Variants in BRD1 observed in about 807,000 individuals in gnomAD.
BRD1 encodes the protein bromodomain-containing protein 1.
Under a neutral mutation model 107.7 loss-of-function variants are expected in BRD1, and 24 were observed. The ratio of observed to expected loss-of-function variants is 0.22; its 90% CI spans 0.16 to 0.31. The LOEUF is 0.31. Ranked by LOEUF, BRD1 falls within the 10% of genes least tolerant of loss-of-function variation. The pLI is 1.00. For synonymous variants in BRD1, 744 were observed against 686.1 expected, an observed-to-expected ratio of 1.08 and a Z score of -1.32; for missense variants, 1,279 against 1,638.6, an observed-to-expected ratio of 0.78 and a Z score of 3.79.
At position 49,827,791 on chromosome 22, in the gene BRD1, G is replaced by A. The variant is rs1429070908; in HGVS notation, c.-309C>T. The stretch of plus-strand genomic sequence containing the variant: ...GCGGGCGCGGGCGCGGGAGCGGGCG[G>A]CGGGCGGCGGGCGCGGGACGCGGGG... On this transcript the variant is annotated 5_prime_UTR_variant, in exon 1 of 13. Transcript: ENST00000404760. 6.9e-6 allele frequency among the ~76,000 whole-genome samples: 1 copy of A among 144,764 alleles called. No homozygotes were observed. The highest frequency in any genetic ancestry group is 2.0e-4 in the East Asian group (1 of 4,940). The allele number at this position is 144,764 out of a possible 152,430, so 95.0% of individuals were successfully genotyped here. A position where few individuals can be genotyped will look rare whatever the true frequency, so the allele number is the denominator to read the frequency against.
intron 6 of BRD1, among the ~76,000 whole-genome samples, chr22:49,796,516 C>G (rs1229787315): frequency 6.6e-6 from 1 of 151,972 alleles, no homozygotes; most frequent in Non-Finnish European, 1.5e-5. Flanking sequence ...GCCACCATGC[C>G]CGGCTAATTT....
At chr22:49,822,240 A>C (rs2060081297) in intron 2 of BRD1, among the ~76,000 whole-genome samples, 1 of 152,182 alleles carries the variant, frequency 6.6e-6, no homozygotes, top group South Asian at 2.1e-4. Context: ...ACCCTGGGCA[A>C]CATGGTGAAA....
chr22:49,815,161 G>C (rs1247227131), intron 2 of BRD1, among the ~76,000 whole-genome samples: 2 of 152,218 alleles, frequency 1.3e-5, no homozygotes, highest in Non-Finnish European at 2.9e-5. Flanking sequence ...AAGGTGCGGT[G>C]AGGCCAGTGA....
At chr22:49,814,714 A>G (rs559340946) in intron 2 of BRD1, among the ~76,000 whole-genome samples, 2 of 152,368 alleles carry the variant, frequency 1.3e-5, no homozygotes, top group African/African-American at 4.8e-5. Flanking sequence ...AGGTGCTCTC[A>G]GGAAAGCCAC....
At chr22:49,787,299 A>AGCCC in intron 8 of BRD1, 91 bp downstream of exon 8, 1 of 544,640 alleles carries the variant, frequency 1.8e-6, no homozygotes, top group East Asian at 6.1e-5. Flanking sequence ...GAAGCTGGAC[A>AGCCC]CCCCCCCCCC....
chr22:49,823,960 G>A lies in BRD1; in HGVS notation c.358C>T (p.Pro120Ser). 6.2e-7 allele frequency: 1 copy of A among 1,614,112 alleles called. No individual in the cohort carries two copies. The highest frequency in any genetic ancestry group is 8.5e-7 in the Non-Finnish European group (1 of 1,180,036). The change falls in exon 2 of 13, where the codon CCC becomes TCC. Residue 120 changes from proline to serine, a missense_variant. Around this residue, in one of 7 missense-constraint regions of BRD1, gnomAD observed 223 missense variants for 263.5 expected, o/e 0.85. Transcript: ENST00000404760. Reference protein sequence around the residue: ...TPASASALPEPKVRIVEYSPP... With the variant: ...TPASASALPESKVRIVEYSPP... ...CTGTACTCCACGATGCGCACCTTGG[G>A]CTCCGGGAGGGCACTGGCCGAGGCC...
chr22:49,825,825 A>C (rs1041140970), intron 1 of BRD1: 1 of 152,300 alleles, frequency 6.6e-6, no homozygotes, highest in African/African-American at 2.4e-5. Context: ...AGCACTTCTT[A>C]AGACAGACCC....
At chr22:49,801,545 A>AG (rs2059640915) in intron 3 of BRD1, among the ~76,000 whole-genome samples, 1 of 152,204 alleles carries the variant, frequency 6.6e-6, no homozygotes, top group African/African-American at 2.4e-5. Context: ...CTCTCCCAAT[A>AG]GCCCGTTCAC....
In BRD1 at chr22:49,787,629, GGCTCCGCCACCGCGGAGGCCGCC is replaced by G; in HGVS notation, c.2595_2617del (p.Ala866SerfsTer28). On this transcript the variant is annotated frameshift_variant, in exon 8 of 13. Coordinates refer to ENST00000404760, the MANE Select transcript of BRD1 (RefSeq NM_001304808.3). LOFTEE classifies it high-confidence loss of function. ...AGTGCGTCTGTTTACATCGCTTGCT[GGCTCCGCCACCGCGGAGGCCGCC>G]GCCGCCGGCACATCGCCACTACTGG... 6.4e-7 allele frequency: 1 copy of G among 1,551,028 alleles called. No individual in the cohort carries two copies. The highest frequency in any genetic ancestry group is 8.7e-7 in the Non-Finnish European group (1 of 1,147,138).
chr22:49,784,555 C>T (rs543078161), intron 8 of BRD1, among the ~76,000 whole-genome samples: 49 of 152,230 alleles, frequency 3.2e-4, no homozygotes, highest in Non-Finnish European at 6.0e-4. Context: ...ACAGTGAGTG[C>T]GTCGCCTCAG....
At position 49,820,512 on chromosome 22, in the gene BRD1, G is replaced by A. The variant is rs185272652; in HGVS notation, c.1367+2439C>T. On this transcript the variant is annotated intron_variant, in intron 2 of 12. Transcript: ENST00000404760. The stretch of plus-strand genomic sequence containing the variant: ...GCTGAGGCTGGGAGGAGGCTGAGGC[G>A]GGAAGATCGCTTGAGTCCAAGAGTT... 3.5e-3 allele frequency among the ~76,000 whole-genome samples: 532 copies of A among 152,258 alleles called. 3 individuals are homozygous for A. The highest frequency in any genetic ancestry group is 0.012 in the African/African-American group (509 of 41,552).
intron 2 of BRD1, among the ~76,000 whole-genome samples, chr22:49,807,590 C>T (rs1216156009): frequency 2.6e-5 from 4 of 152,186 alleles, no homozygotes; most frequent in African/African-American, 9.7e-5. Context: ...TGGACCTTGC[C>T]TCATTTCACA....
In BRD1 at chr22:49,787,609, G is replaced by A. The variant is rs939254702; in HGVS notation, c.2638C>T (p.Arg880Cys). ...VAEPASDVNRRTSVLFCKSKS... is the reference protein window; with the variant it reads ...VAEPASDVNRCTSVLFCKSKS... The stretch of plus-strand genomic sequence containing the variant: ...GATTTGCAGAAGAGAACAGAAGTGC[G>A]TCTGTTTACATCGCTTGCTGGCTCC... The change falls in exon 8 of 13, where the codon CGC (arginine) becomes TGC (cysteine). Residue 880 changes from arginine (R) to cysteine (C), a missense_variant. Transcript: ENST00000404760. 4.5e-6 allele frequency: 7 copies of A among 1,553,098 alleles called. No individual in the cohort carries two copies. Among genetic ancestry groups the A allele is most frequent in the Non-Finnish European group, 5.2e-6 (6 of 1,148,036 alleles).
intron 10 of BRD1, 90 bp downstream of exon 10, chr22:49,776,944 C>A: frequency 6.4e-7 from 1 of 1,562,874 alleles, no homozygotes; most frequent in South Asian, 1.1e-5. Flanking sequence ...CACCATGCTC[C>A]CTGAGCCGGA....
intron 8 of BRD1, 72 bp downstream of exon 8, chr22:49,787,312 CGTCACA>C (rs2059348068): frequency 1.2e-5 from 10 of 818,930 alleles, no homozygotes; most frequent in South Asian, 4.9e-5. Context: ...CCCCCCCCCC[CGTCACA>C]CCAATGATCC....
In BRD1 at chr22:49,774,067, C is replaced by G. The variant is rs532394158; in HGVS notation, c.*166G>C. The G allele has an allele frequency of 6.0e-5, 58 of 965,386 alleles. No individual in the cohort carries two copies. Among genetic ancestry groups the G allele is most frequent in the Non-Finnish European group, 8.0e-5 (54 of 677,122 alleles). 59.8% of individuals were successfully genotyped at this position (965,386 alleles called of 1,614,324 possible). ...GCCCACCCCACTCACAGCGCCCAGA[C>G]GGAGATGGGTTCCTAGAAAACTTGG... On this transcript the variant is annotated 3_prime_UTR_variant, in exon 13 of 13. Transcript: ENST00000404760.
intron 8 of BRD1, 141 bp from the exon 9 acceptor site, chr22:49,777,954 G>T: frequency 8.2e-7 from 1 of 1,219,164 alleles, no homozygotes; most frequent in Non-Finnish European, 1.1e-6. Flanking sequence ...TCACTCCCAA[G>T]TTCCCGAGCA....
intron 8 of BRD1, among the ~76,000 whole-genome samples, chr22:49,778,732 G>A (rs2059148326): frequency 6.6e-6 from 1 of 152,130 alleles, no homozygotes; most frequent in Admixed American, 6.5e-5. Flanking sequence ...CACGATCTTG[G>A]CTCACTGCAA....
At chr22:49,801,610 C>T (rs2059642406) in intron 3 of BRD1, among the ~76,000 whole-genome samples, 1 of 152,258 alleles carries the variant, frequency 6.6e-6, no homozygotes, top group Non-Finnish European at 1.5e-5. Flanking sequence ...GGCTCAAGTC[C>T]AGGCAGCTCC....
Sources: allele counts gnomAD v4.1 joint callset (sites outside exome capture counted in the v4.1 genomes callset), GRCh38; gene constraint gnomAD v4.1.1; regional missense constraint gnomAD v4.1.1; transcripts MANE v1.5; gene names NCBI Gene and HGNC (gene_info 2026-07-23, HGNC 2026-07-21).